Variants in ADAMTS19 observed in about 807,000 individuals in gnomAD.
The protein encoded by ADAMTS19 is A disintegrin and metalloproteinase with thrombospondin motifs 19.
A neutral mutation model predicts 153.3 loss-of-function variants in ADAMTS19; 93 were observed. That is an observed-to-expected ratio of 0.61 (90% confidence interval 0.51 to 0.72). ADAMTS19 has a LOEUF of 0.72. Among genes scored for constraint, ADAMTS19 ranks in the 30% least tolerant of loss-of-function variants. The pLI is 0.00. For synonymous variants in ADAMTS19, 600 were observed against 556.6 expected (o/e 1.08, Z -1.10); for missense variants, 1,482 against 1,552.1 (o/e 0.95, Z 0.76).
intron 10 of ADAMTS19, among the ~76,000 whole-genome samples, chr5:129,640,954 AGCTGGGATTATGGGTGT>A (rs1752761384): frequency 6.6e-6 from 1 of 152,078 alleles, no homozygotes; most frequent in Non-Finnish European, 1.5e-5. Flanking sequence ...CCTCCTGAGT[AGCTGGGATTATGGGTGT>A]GCACCACCAC....
chr5:129,672,037 T>C (rs1340914012), intron 16 of ADAMTS19, among the ~76,000 whole-genome samples: 1 of 152,158 alleles, frequency 6.6e-6, no homozygotes, highest in Non-Finnish European at 1.5e-5. Flanking sequence ...GAAATTTATT[T>C]CCCACAGTTC....
intron 9 of ADAMTS19, 64 bp from the exon 10 acceptor site, chr5:129,622,134 C>T: frequency 6.4e-7 from 1 of 1,551,936 alleles, no homozygotes; most frequent in African/African-American, 1.4e-5. Flanking sequence ...TTGTTGTATG[C>T]TAACCAATCA....
rs1749628690 is a variant in ADAMTS19, at chr5:129,461,015, G to A, written c.92-87G>A. The A allele has an allele frequency of 1.6e-6, 2 of 1,268,324 alleles. No individual in the cohort carries two copies. Among genetic ancestry groups the A allele is most frequent in the East Asian group, 3.3e-5 (1 of 30,624 alleles). The allele number at this position is 1,268,324 out of a possible 1,614,324, so 78.6% of individuals were successfully genotyped here. A position where few individuals can be genotyped will look rare whatever the true frequency, so the allele number is the denominator to read the frequency against. On this transcript the variant is annotated intron_variant, in intron 1 of 22. Transcript: ENST00000274487. The surrounding 1 kb of genome is among the most constrained non-coding windows in gnomAD (Gnocchi z 4.6). ...CCATTGCATTCAACGCGAGCGCCCT[G>A]TATCTATGGACTGTGAGCTTGGAAA...
intron 8 of ADAMTS19, among the ~76,000 whole-genome samples, chr5:129,616,250 A>G (rs1751520698): frequency 6.6e-6 from 1 of 152,046 alleles, no homozygotes; most frequent in South Asian, 2.1e-4. Context: ...CTGAATTCTA[A>G]GAAATATGTA....
rs1580968897 is a variant in ADAMTS19, at chr5:129,460,895, A to G, written c.92-207A>G. On this transcript the variant is annotated intron_variant, in intron 1 of 22. Transcript: ENST00000274487. ...TTTGATTCCCCCTCCCCCGCCCCTA[A>G]TATAATCGTACTTTTACTCTGAAAA... Among the ~76,000 whole-genome samples, 4 of 150,530 alleles carry G rather than the reference A, an allele frequency of 2.7e-5. No homozygotes were observed. In the South Asian group the frequency reaches 6.4e-4, roughly 24 times the overall value.
chr5:129,651,168 A>G (rs2127048083), intron 13 of ADAMTS19, among the ~76,000 whole-genome samples: 1 of 152,282 alleles, frequency 6.6e-6, no homozygotes, highest in South Asian at 2.1e-4. Flanking sequence ...GATATTATCT[A>G]TTCCTATGAC....
chr5:129,691,087 T>C (rs1755314074), intron 18 of ADAMTS19, among the ~76,000 whole-genome samples: 1 of 152,126 alleles, frequency 6.6e-6, no homozygotes, highest in Admixed American at 6.5e-5. Context: ...ATACAGAGCA[T>C]ATATTTTATA....
chr5:129,481,172 G>A (rs986814717), intron 2 of ADAMTS19, among the ~76,000 whole-genome samples: 3 of 152,082 alleles, frequency 2.0e-5, no homozygotes, highest in African/African-American at 4.8e-5. Flanking sequence ...TGGCTGGGGA[G>A]GCCTCAGGAA....
intron 2 of ADAMTS19, among the ~76,000 whole-genome samples, chr5:129,474,810 T>C (rs1750172755): frequency 6.6e-6 from 1 of 152,158 alleles, no homozygotes; most frequent in African/African-American, 2.4e-5. Context: ...CTCATGTGGT[T>C]TTAATTCTGT....
chr5:129,522,316 T>TATATACACACACACACACACAC (rs1249492013), intron 3 of ADAMTS19, among the ~76,000 whole-genome samples: 5 of 91,968 alleles, frequency 5.4e-5, no homozygotes, highest in African/African-American at 2.3e-4. Flanking sequence ...TATATATATA[T>TATATACACACACACACACACAC]ACACACACAC....
Position 129,731,510 on chromosome 5 carries a change from A to G in ADAMTS19, c.3313-3422A>G, listed in dbSNP as rs142942707. The stretch of plus-strand genomic sequence containing the variant: ...AAAGATTTTTGTCCAAGGAGCATAT[A>G]TATGTAAATAAATTTTGAAGGAATG... On this transcript the variant is annotated intron_variant, in intron 21 of 22. Transcript: ENST00000274487. Among the ~76,000 whole-genome samples, 606 of 152,270 alleles carry G rather than the reference A, an allele frequency of 4.0e-3. 3 individuals are homozygous for G. Among genetic ancestry groups the G allele is most frequent in the African/African-American group, 0.014 (587 of 41,560 alleles).
At chr5:129,585,489 CTTTT>C (rs1475727339) in intron 7 of ADAMTS19, among the ~76,000 whole-genome samples, 2 of 151,930 alleles carry the variant, frequency 1.3e-5, no homozygotes, top group Non-Finnish European at 2.9e-5. Flanking sequence ...GTCAATTATA[CTTTT>C]TTAAAAATAA....
chr5:129,485,211 T>G (rs930797859), intron 2 of ADAMTS19, among the ~76,000 whole-genome samples: 3 of 152,116 alleles, frequency 2.0e-5, no homozygotes, highest in African/African-American at 4.8e-5. Flanking sequence ...CCTTAAATAT[T>G]ACTTCAAATT....
intron 7 of ADAMTS19, among the ~76,000 whole-genome samples, chr5:129,578,979 T>C (rs564007634): frequency 6.6e-6 from 1 of 152,044 alleles, no homozygotes; most frequent in Non-Finnish European, 1.5e-5. Flanking sequence ...GCTGGGTCAA[T>C]TGGTATTTCT....
intron 17 of ADAMTS19, among the ~76,000 whole-genome samples, chr5:129,682,934 C>T (rs535364496): frequency 4.6e-5 from 7 of 152,200 alleles, no homozygotes; most frequent in African/African-American, 1.7e-4. Context: ...TGTTCAGACA[C>T]TTAAACCTAG....
At chr5:129,638,038 T>G (rs997077383) in intron 10 of ADAMTS19, among the ~76,000 whole-genome samples, 1 of 152,094 alleles carries the variant, frequency 6.6e-6, no homozygotes, top group Non-Finnish European at 1.5e-5. Flanking sequence ...ACCTGGGTGA[T>G]GAAATAATCT....
chr5:129,704,699 ACTAT>A (rs770420420), intron 21 of ADAMTS19, among the ~76,000 whole-genome samples: 5 of 152,304 alleles, frequency 3.3e-5, no homozygotes, highest in Admixed American at 2.6e-4. Flanking sequence ...GTTGCATAAA[ACTAT>A]CTAAACAAAT....
At chr5:129,465,090 T>C (rs1336534638) in intron 2 of ADAMTS19, among the ~76,000 whole-genome samples, 1 of 152,190 alleles carries the variant, frequency 6.6e-6, no homozygotes, top group Non-Finnish European at 1.5e-5. Context: ...ACTTATACCA[T>C]GAGTGATCTG....
Position 129,702,376 on chromosome 5 carries a change from C to CCT in ADAMTS19, c.3159+785_3159+786dup, listed in dbSNP as rs562954868. 2.8e-3 allele frequency among the ~76,000 whole-genome samples: 424 copies of CCT among 152,238 alleles called. 1 individual carries two copies. The highest frequency in any genetic ancestry group is 5.1e-3 in the Non-Finnish European group (344 of 68,012). On this transcript the variant is annotated intron_variant, in intron 20 of 22. Coordinates refer to ENST00000274487, the MANE Select transcript of ADAMTS19 (RefSeq NM_133638.6). Reference sequence around the variant, plus strand: ...TCATGTTCACACATGTACCAACACACCTACACACATAAAAAGGAAAATCAT... The same window carrying CCT: ...TCATGTTCACACATGTACCAACACACCTCTACACACATAAAAAGGAAAATCAT...
Sources: allele counts gnomAD v4.1 joint callset (sites outside exome capture counted in the v4.1 genomes callset), GRCh38; gene constraint gnomAD v4.1.1; non-coding constraint Gnocchi (gnomAD v3.1); transcripts MANE v1.5; gene names NCBI Gene and HGNC (gene_info 2026-07-23, HGNC 2026-07-21).